The following ZNF507 variants were observed in gnomAD, a reference collection of about 807,000 sequenced individuals.
ZNF507 encodes zinc finger protein 507.
In ZNF507, 29 loss-of-function variants were observed where a neutral mutation model predicts 80.0. The ratio of observed to expected loss-of-function variants is 0.36; its 90% CI spans 0.27 to 0.49. The LOEUF is 0.49. Ranked by LOEUF, ZNF507 falls within the 20% of genes least tolerant of loss-of-function variation. The pLI is 0.98. For synonymous variants in ZNF507, 462 were observed against 422.5 expected (o/e 1.09, Z -1.15); for missense variants, 1,081 against 1,152.2 (o/e 0.94, Z 0.90).
At chr19:32,360,650 T>C (rs1231498617) in intron 5 of ZNF507, 32 bp downstream of exon 5, 1 of 1,194,498 alleles carries the variant, frequency 8.4e-7, no homozygotes, top group Non-Finnish European at 1.1e-6. Context: ...TTTTAATGTT[T>C]GTATTAAAAT....
chr19:32,361,663 T>C (rs1967324468), intron 5 of ZNF507, among the ~76,000 whole-genome samples: 1 of 139,498 alleles, frequency 7.2e-6, no homozygotes. Context: ...CCTTCCTTCT[T>C]TTCTTCCTTC....
At chr19:32,381,192 G>A (rs1177025863) in intron 5 of ZNF507, among the ~76,000 whole-genome samples, 1 of 152,152 alleles carries the variant, frequency 6.6e-6, no homozygotes, top group Non-Finnish European at 1.5e-5. Flanking sequence ...AAAGATCAGT[G>A]GTTGCCCGGG....
chr19:32,374,154 C>T (rs1381529314), intron 5 of ZNF507, among the ~76,000 whole-genome samples: 2 of 123,608 alleles, frequency 1.6e-5, no homozygotes, highest in African/African-American at 3.5e-5. Context: ...CAGCTCGGAA[C>T]CGTGCAAAGC....
rs1967643313 is a variant in ZNF507 at position 32,382,931 on chromosome 19, A to G, written c.2710A>G (p.Met904Val). 6.2e-7 allele frequency: 1 copy of G among 1,614,156 alleles called. No homozygotes were observed. The highest frequency in any genetic ancestry group is 8.5e-7 in the Non-Finnish European group (1 of 1,180,010). The change falls in exon 7 of 7, where the codon ATG (methionine) becomes GTG (valine). Residue 904 changes from methionine to valine, a missense_variant. By Grantham distance (21) the Met-to-Val change is conservative. Transcript: ENST00000355898. ...EKISSLAPPS[M>V]EYCVLLFCCC... Reference sequence around the variant, plus strand: ...AATCTCCAGTCTGGCCCCTCCTAGCATGGAGTACTGCGTTTTACTCTTCTG... The same window carrying G: ...AATCTCCAGTCTGGCCCCTCCTAGCGTGGAGTACTGCGTTTTACTCTTCTG...
chr19:32,378,576 A>G (rs1967583134), intron 5 of ZNF507, among the ~76,000 whole-genome samples: 1 of 152,078 alleles, frequency 6.6e-6, no homozygotes, highest in Non-Finnish European at 1.5e-5. Flanking sequence ...ACATGTTAAC[A>G]GTAAGGGAAA....
At chr19:32,367,494 T>C (rs1967414499) in intron 5 of ZNF507, among the ~76,000 whole-genome samples, 1 of 152,254 alleles carries the variant, frequency 6.6e-6, no homozygotes, top group African/African-American at 2.4e-5. Flanking sequence ...TTCTTAATGA[T>C]GTCTTTTGAT....
intron 2 of ZNF507, 50 bp from the exon 3 acceptor site, chr19:32,352,779 G>A (rs1467747498): frequency 2.0e-6 from 3 of 1,483,664 alleles, no homozygotes; most frequent in Non-Finnish European, 2.7e-6. Flanking sequence ...TTACATGCCT[G>A]TAATTATCCT....
intron 5 of ZNF507, among the ~76,000 whole-genome samples, chr19:32,381,771 GGT>G (rs1351880208): frequency 6.6e-6 from 1 of 152,104 alleles, no homozygotes; most frequent in Non-Finnish European, 1.5e-5. Flanking sequence ...GGAGGAATTG[GGT>G]GCAGGGGAGG....
chr19:32,366,163 A>G (rs1030139418), intron 5 of ZNF507, among the ~76,000 whole-genome samples: 2 of 152,142 alleles, frequency 1.3e-5, no homozygotes, highest in African/African-American at 2.4e-5. Flanking sequence ...CAGCCGCTCT[A>G]TTAAGAGAGT....
In ZNF507 at chr19:32,386,867, C is replaced by A. The variant is rs773926443; in HGVS notation, c.*3784C>A. 28 of 152,486 alleles carry A rather than the reference C, an allele frequency of 1.8e-4. No individual in the cohort carries two copies. The highest frequency in any genetic ancestry group is 6.5e-4 in the Admixed American group (10 of 15,272). 9.4% of individuals were successfully genotyped at this position (152,486 alleles called of 1,614,324 possible). On this transcript the variant is annotated 3_prime_UTR_variant, in exon 7 of 7. Coordinates refer to ENST00000355898, the MANE Select transcript of ZNF507 (RefSeq NM_001136156.2). ...GTTAAAAAAAACTTGGCTCCAAGTT[C>A]TATTAACCACAGGTTGTGTTCATTC...
chr19:32,381,311 T>C (rs966849817), intron 5 of ZNF507, among the ~76,000 whole-genome samples: 9 of 152,024 alleles, frequency 5.9e-5, no homozygotes, highest in Non-Finnish European at 1.2e-4. Context: ...TATACCTTTG[T>C]CAAAACAGAA....
At position 32,353,785 on chromosome 19, in the gene ZNF507, G is replaced by A. The variant is rs1032845489; in HGVS notation, c.955G>A (p.Gly319Arg). 5.6e-6 allele frequency: 9 copies of A among 1,614,026 alleles called. No homozygotes were observed. Among genetic ancestry groups the A allele is most frequent in the Non-Finnish European group, 7.6e-6 (9 of 1,180,042 alleles). The change falls in exon 3 of 7, where the codon GGG (glycine) becomes AGG (arginine). Residue 319 changes from glycine (G) to arginine (R), a missense_variant. This residue lies in a region of ZNF507 where 614 missense variants were observed against 583.9 expected (regional missense o/e 1.05). Coordinates refer to ENST00000355898, the MANE Select transcript of ZNF507 (RefSeq NM_001136156.2). The stretch of plus-strand genomic sequence containing the variant: ...AGAGAGTGAACTGAGTATCCACAAT[G>A]GGCCATCAGTGCAAGTGCAGATTTG... ...IGESELSIHN[G>R]PSVQVQICSS...
chr19:32,386,444 G>A lies in ZNF507; in HGVS notation c.*3361G>A, dbSNP rs1967691309. ...AATATTCGATAAAATATATTTAATA[G>A]AAATTTGCGTTTGATATTCATGAAC... On this transcript the variant is annotated 3_prime_UTR_variant, in exon 7 of 7. Coordinates refer to ENST00000355898, the MANE Select transcript of ZNF507 (RefSeq NM_001136156.2). The A allele has an allele frequency of 6.6e-6, 1 of 152,510 alleles. No homozygotes were observed. Among genetic ancestry groups the A allele is most frequent in the Non-Finnish European group, 1.5e-5 (1 of 68,028 alleles). The allele number at this position is 152,510 out of a possible 1,614,324, so 9.4% of individuals were successfully genotyped here. A position where few individuals can be genotyped will look rare whatever the true frequency, so the allele number is the denominator to read the frequency against.
At chr19:32,376,719 C>T (rs886456969) in intron 5 of ZNF507, among the ~76,000 whole-genome samples, 3 of 152,278 alleles carry the variant, frequency 2.0e-5, no homozygotes, top group Non-Finnish European at 4.4e-5. Flanking sequence ...GCTGGGCCTG[C>T]GGGACCACTA....
rs1967689560 is a variant in ZNF507, at chr19:32,386,351, T to TA, written c.*3269dup. 2 of 152,654 alleles carry TA rather than the reference T, an allele frequency of 1.3e-5. No homozygotes were observed. Among genetic ancestry groups the TA allele is most frequent in the South Asian group, 2.1e-4 (1 of 4,832 alleles). 9.5% of individuals were successfully genotyped at this position (152,654 alleles called of 1,614,324 possible). Reference sequence around the variant, plus strand: ...ACAAGCAGGCTTCTCTGTTGAGACTTATTGTGTTTTTAGTTTTCATAGACA... The same window carrying TA: ...ACAAGCAGGCTTCTCTGTTGAGACTTAATTGTGTTTTTAGTTTTCATAGACA... On this transcript the variant is annotated 3_prime_UTR_variant, in exon 7 of 7. Transcript: ENST00000355898.
intron 4 of ZNF507, chr19:32,359,278 T>C (rs1967290863): frequency 6.6e-6 from 1 of 152,216 alleles, no homozygotes; most frequent in African/African-American, 2.4e-5. Context: ...TTGGCAGTAG[T>C]TATTAGCAAA....
At chr19:32,373,196 A>C (rs1967497457) in intron 5 of ZNF507, among the ~76,000 whole-genome samples, 1 of 151,770 alleles carries the variant, frequency 6.6e-6, no homozygotes, top group Non-Finnish European at 1.5e-5. Flanking sequence ...TTGGGGATTA[A>C]GTTTCCACAT....
intron 5 of ZNF507, among the ~76,000 whole-genome samples, chr19:32,377,982 A>G (rs2055565439): frequency 6.6e-6 from 1 of 152,132 alleles, no homozygotes; most frequent in African/African-American, 2.4e-5. Flanking sequence ...GAAAAAAAAC[A>G]GCAGACAGCC....
intron 2 of ZNF507, among the ~76,000 whole-genome samples, chr19:32,350,519 ACTC>A (rs1475913359): frequency 3.3e-5 from 5 of 151,788 alleles, no homozygotes; most frequent in Admixed American, 1.3e-4. Flanking sequence ...GTTAAGATGA[ACTC>A]CTCCTTCTCT....
Sources: gnomAD v4.1 joint callset for allele counts (sites outside exome capture counted in the v4.1 genomes callset) on GRCh38, gnomAD v4.1.1 for gene constraint, gnomAD v4.1.1 regional missense constraint, MANE v1.5 for transcripts, NCBI Gene and HGNC (gene_info 2026-07-23, HGNC 2026-07-21) for gene names.